SGCZ: variants seen among roughly 807,000 people sequenced by gnomAD.
SGCZ encodes sarcoglycan zeta.
A neutral mutation model predicts 41.3 loss-of-function variants in SGCZ; 40 were observed. That is an observed-to-expected ratio of 0.97 (90% CI 0.75 to 1.26). SGCZ has a LOEUF of 1.26. SGCZ is among the 50% of genes most tolerant of loss of function. The pLI is 0.00. For synonymous variants in SGCZ, 206 were observed against 137.5 expected, an observed-to-expected ratio of 1.50 and a Z score of -3.49; for missense variants, 552 against 369.8, an observed-to-expected ratio of 1.49 and a Z score of -4.04.
intron 1 of SGCZ, among the ~76,000 whole-genome samples, chr8:15,133,600 T>C (rs1200842927): frequency 6.6e-5 from 10 of 152,214 alleles, no homozygotes; most frequent in Admixed American, 6.5e-4. Context: ...ATCTCACTTG[T>C]AGGAGAAAAC....
At chr8:15,105,799 T>A in intron 1 of SGCZ, among the ~76,000 whole-genome samples, 1 of 152,170 alleles carries the variant, frequency 6.6e-6, no homozygotes, top group East Asian at 1.9e-4. Context: ...TTACCAAAAT[T>A]GGTTTCTATA....
At chr8:14,512,395 A>G (rs1802491529) in intron 2 of SGCZ, among the ~76,000 whole-genome samples, 2 of 152,018 alleles carry the variant, frequency 1.3e-5, no homozygotes, top group African/African-American at 2.4e-5. Flanking sequence ...TTCCATTGGT[A>G]TTTTTCCTCT....
intron 6 of SGCZ, among the ~76,000 whole-genome samples, chr8:14,105,414 C>G (rs1045820966): frequency 5.9e-5 from 9 of 152,038 alleles, no homozygotes; most frequent in Admixed American, 3.9e-4. Context: ...TACTTACTCC[C>G]TAAATTAACA....
At chr8:14,310,045 A>C (rs1273191237) in intron 3 of SGCZ, among the ~76,000 whole-genome samples, 3 of 152,164 alleles carry the variant, frequency 2.0e-5, no homozygotes, top group Middle Eastern at 3.2e-3. Flanking sequence ...ACAGGAAAAA[A>C]AAATTCTGTT....
rs569986917 is a variant in SGCZ at position 14,816,181 on chromosome 8, A to T, written c.40-261255T>A. On this transcript the variant is annotated intron_variant, in intron 1 of 7. Transcript: ENST00000382080. ...GCAGTGGGAATTAGACACTTTCATC[A>T]TCTCTCAATGCAGTCTCGACATATT... is the stretch of plus-strand genomic sequence containing the variant. Among the ~76,000 whole-genome samples the T allele has an allele frequency of 3.9e-5, 6 of 152,344 alleles. No individual in the cohort carries two copies. In the East Asian group the frequency reaches 1.2e-3, roughly 29 times the overall value.
intron 2 of SGCZ, among the ~76,000 whole-genome samples, chr8:14,401,509 T>C (rs770008442): frequency 2.1e-5 from 3 of 144,110 alleles, no homozygotes; most frequent in African/African-American, 7.8e-5. Flanking sequence ...CATTGTTCAG[T>C]TCCCACCTGT....
intron 1 of SGCZ, among the ~76,000 whole-genome samples, chr8:14,811,331 T>A (rs1394947849): frequency 6.6e-6 from 1 of 151,868 alleles, no homozygotes; most frequent in Admixed American, 6.6e-5. Context: ...AAAACCCACC[T>A]ATAAACTTTA....
intron 1 of SGCZ, among the ~76,000 whole-genome samples, chr8:14,693,863 A>G (rs1226401232): frequency 6.6e-6 from 1 of 152,054 alleles, no homozygotes; most frequent in Non-Finnish European, 1.5e-5. Flanking sequence ...AAGTGCTGGG[A>G]TTATAGGCCT....
chr8:14,309,753 A>T, intron 3 of SGCZ: 2 of 1,576,606 alleles, frequency 1.3e-6, no homozygotes, highest in Non-Finnish European at 1.7e-6. Flanking sequence ...GCCTCTTCAA[A>T]AAGCAGAGTG....
chr8:14,897,702 G>A (rs952762069), intron 1 of SGCZ, among the ~76,000 whole-genome samples: 2 of 152,076 alleles, frequency 1.3e-5, no homozygotes, highest in African/African-American at 4.8e-5. Flanking sequence ...AACTCTTTAC[G>A]TTCTTGCAAC....
At position 14,338,988 on chromosome 8, in the gene SGCZ, GA is replaced by G. The variant is rs143509274; in HGVS notation, c.235-14785del. Among the ~76,000 whole-genome samples, 22 of 152,242 alleles carry G rather than the reference GA, an allele frequency of 1.4e-4. No homozygotes were observed. The East Asian group carries it at 2.3e-3, about 16-fold the overall frequency. ...AAAGGTAAGGCTGATGCTCAAAAAT[GA>G]AATTGAACTTTAATCTATGTTAGAG... On this transcript the variant is annotated intron_variant, in intron 2 of 7. Transcript: ENST00000382080.
chr8:14,162,825 T>A (rs1804088010), intron 5 of SGCZ, among the ~76,000 whole-genome samples: 1 of 152,166 alleles, frequency 6.6e-6, no homozygotes, highest in Non-Finnish European at 1.5e-5. Context: ...GGGTTCCCAT[T>A]CAATAATCCC....
chr8:14,443,011 C>G (rs1184817869), intron 2 of SGCZ, among the ~76,000 whole-genome samples: 1 of 152,054 alleles, frequency 6.6e-6, no homozygotes, highest in African/African-American at 2.4e-5. Context: ...TCTTATAAAC[C>G]AATAACAGCC....
At chr8:14,489,496 T>A (rs757274941) in intron 2 of SGCZ, among the ~76,000 whole-genome samples, 1 of 152,012 alleles carries the variant, frequency 6.6e-6, no homozygotes, top group Admixed American at 6.6e-5. Flanking sequence ...TATGTGTGAG[T>A]GCATGTGCCT....
At chr8:14,791,023 TC>T (rs1236275279) in intron 1 of SGCZ, among the ~76,000 whole-genome samples, 5 of 146,658 alleles carry the variant, frequency 3.4e-5, no homozygotes, top group Non-Finnish European at 7.4e-5. Context: ...AGAGTGAGAC[TC>T]TGTCTCAAAA....
At chr8:14,154,884 A>G (rs1585184583) in intron 5 of SGCZ, among the ~76,000 whole-genome samples, 1 of 152,160 alleles carries the variant, frequency 6.6e-6, no homozygotes. Flanking sequence ...GCTTCCAGGC[A>G]TGGGGGTGAG....
chr8:14,953,858 G>A (rs1358224643), intron 1 of SGCZ, among the ~76,000 whole-genome samples: 2 of 152,112 alleles, frequency 1.3e-5, no homozygotes, highest in African/African-American at 4.8e-5. Flanking sequence ...TATAATTCTT[G>A]TAAACACTCA....
intron 1 of SGCZ, among the ~76,000 whole-genome samples, chr8:14,915,844 C>T (rs1263189788): frequency 1.3e-5 from 2 of 152,146 alleles, no homozygotes; most frequent in Non-Finnish European, 2.9e-5. Context: ...TTAACCCACC[C>T]ACATGTGTCT....
At chr8:15,025,413 C>G (rs190046118) in intron 1 of SGCZ, among the ~76,000 whole-genome samples, 246 of 152,206 alleles carry the variant, frequency 1.6e-3, no homozygotes, top group Admixed American at 2.2e-3. Context: ...TTTTAAAGGG[C>G]AGGAAAAACT....
Sources: allele counts gnomAD v4.1 joint callset (sites outside exome capture counted in the v4.1 genomes callset), GRCh38; gene constraint gnomAD v4.1.1; transcripts MANE v1.5; gene names NCBI Gene and HGNC (gene_info 2026-07-23, HGNC 2026-07-21).